The following KIAA0513 variants were observed in gnomAD, a reference collection of about 807,000 sequenced individuals.
KIAA0513 encodes KIAA0513, also known as uncharacterized protein KIAA0513.
In KIAA0513, 39 loss-of-function variants were observed where a neutral mutation model predicts 56.5. The ratio of observed to expected loss-of-function variants is 0.69; its 90% CI spans 0.53 to 0.90. The LOEUF (loss-of-function observed/expected upper bound fraction) is 0.90. Among genes scored for constraint, KIAA0513 ranks in the 40% least tolerant of loss-of-function variants. The probability of loss-of-function intolerance (pLI) is 0.00; values close to 1 mark genes in which losing one functional copy is unlikely to be tolerated. For synonymous variants in KIAA0513, 268 were observed against 215.6 expected, an observed-to-expected ratio of 1.24 and a Z score of -2.13; for missense variants, 591 against 535.2, an observed-to-expected ratio of 1.10 and a Z score of -1.03.
Position 85,067,117 on chromosome 16 carries a change from C to T in KIAA0513, c.46C>T (p.Pro16Ser), listed in dbSNP as rs375542570. ...CGTGGGCTCGCTAATCGACTTTGGGCCTGAGGCACCCACCTCTTCTCCCCT... is the reference window on the plus strand; with the variant it reads ...CGTGGGCTCGCTAATCGACTTTGGGTCTGAGGCACCCACCTCTTCTCCCCT... ...VPVGSLIDFG[P>S]EAPTSSPLEA... is the part of the protein sequence containing the mutation. The change falls in exon 2 of 13, where the codon CCT becomes TCT. Residue 16 changes from proline to serine, a missense_variant. Physicochemically the swap from Pro to Ser is moderately conservative, Grantham distance 74. Coordinates refer to ENST00000683363, the MANE Select transcript of KIAA0513 (RefSeq NM_001388359.1). 1.5e-5 allele frequency: 24 copies of T among 1,610,564 alleles called. No individual in the cohort carries two copies. The African/African-American group carries it at 2.4e-4, about 16-fold the overall frequency.
intron 3 of KIAA0513, 84 bp from the exon 4 acceptor site, chr16:85,072,841 C>T (rs1477247175): frequency 3.8e-6 from 5 of 1,328,966 alleles, no homozygotes; most frequent in African/African-American, 2.9e-5. Flanking sequence ...TTTGGAAACA[C>T]TGAGAGTGCA....
intron 1 of KIAA0513, among the ~76,000 whole-genome samples, chr16:85,040,001 A>C (rs1475400670): frequency 2.7e-5 from 4 of 146,646 alleles, no homozygotes; most frequent in Non-Finnish European, 6.0e-5. Flanking sequence ...CGCCTGGCTA[A>C]TTTTGTATTT....
At chr16:85,086,829 A>C (rs2073815031) in intron 11 of KIAA0513, 105 bp downstream of exon 11, 1 of 1,075,868 alleles carries the variant, frequency 9.3e-7, no homozygotes. Flanking sequence ...GCCTGCTCTG[A>C]GGCATGGGGT....
rs201067960 is a variant in KIAA0513, at chr16:85,077,515, A to G, written c.665A>G (p.Glu222Gly). 3 of 1,614,182 alleles carry G rather than the reference A, an allele frequency of 1.9e-6. No homozygotes were observed. The highest frequency in any genetic ancestry group is 2.2e-5 in the East Asian group (1 of 44,874). ...YLKSANSWLA[E>G]KKDIAERLLK... Reference sequence around the variant, plus strand: ...AAATCCGCAAACAGCTGGCTGGCCGAAAAGAAGGACATCGCCGAGCGGCTG... The same window carrying G: ...AAATCCGCAAACAGCTGGCTGGCCGGAAAGAAGGACATCGCCGAGCGGCTG... The change falls in exon 6 of 13, where the codon GAA becomes GGA. Residue 222 changes from glutamate (E) to glycine (G), a missense_variant. Physicochemically the swap from Glu to Gly is moderately conservative, Grantham distance 98. Coordinates refer to ENST00000683363, the MANE Select transcript of KIAA0513 (RefSeq NM_001388359.1).
At chr16:85,040,921 T>A (rs754856624) in intron 1 of KIAA0513, among the ~76,000 whole-genome samples, 1 of 152,226 alleles carries the variant, frequency 6.6e-6, no homozygotes, top group Non-Finnish European at 1.5e-5. Flanking sequence ...AGAAACCTCT[T>A]TCTTTTCGCT....
At chr16:85,068,215 G>A (rs2073518068) in intron 2 of KIAA0513, among the ~76,000 whole-genome samples, 1 of 151,512 alleles carries the variant, frequency 6.6e-6, no homozygotes, top group African/African-American at 2.4e-5. Flanking sequence ...GGAGTGCAGT[G>A]GTGCGATTTC....
intron 7 of KIAA0513, 54 bp from the exon 8 acceptor site, chr16:85,078,871 C>T (rs2073699186): frequency 6.3e-7 from 1 of 1,596,522 alleles, no homozygotes; most frequent in African/African-American, 1.3e-5. Flanking sequence ...CGGGGTTTGC[C>T]AACAGTGGGT....
intron 5 of KIAA0513, among the ~76,000 whole-genome samples, 184 bp from the exon 6 acceptor site, chr16:85,077,241 G>A (rs1047323284): frequency 1.8e-4 from 27 of 152,252 alleles, no homozygotes; most frequent in Non-Finnish European, 2.9e-4. Flanking sequence ...CTCACGGGGA[G>A]CAGGGCCCCC....
At chr16:85,040,739 G>A (rs761367961) in intron 1 of KIAA0513, among the ~76,000 whole-genome samples, 1 of 152,066 alleles carries the variant, frequency 6.6e-6, no homozygotes, top group African/African-American at 2.4e-5. Flanking sequence ...AATGGGAGCC[G>A]CCTGCAGCCA....
In KIAA0513 at chr16:85,086,943, G is replaced by A. The variant is rs146370127; in HGVS notation, c.1092-129G>A. The stretch of plus-strand genomic sequence containing the variant: ...AGAGTTGCTGGTGGCTAATTAGGCA[G>A]CAGTGCGTTTTAGTTTCTGCTGACA... On this transcript the variant is annotated intron_variant, in intron 11 of 12. Transcript: ENST00000683363. 5.2e-4 allele frequency: 474 copies of A among 915,794 alleles called. 1 individual carries two copies. The highest frequency in any genetic ancestry group is 1.6e-3 in the South Asian group (98 of 62,640). 56.7% of individuals were successfully genotyped at this position (915,794 alleles called of 1,614,324 possible). A position where few individuals can be genotyped will look rare whatever the true frequency, so the allele number is the denominator to read the frequency against.
At chr16:85,040,113 C>G (rs565811368) in intron 1 of KIAA0513, among the ~76,000 whole-genome samples, 1 of 152,290 alleles carries the variant, frequency 6.6e-6, no homozygotes, top group Non-Finnish European at 1.5e-5. Flanking sequence ...GGATTACAGG[C>G]ATGAGCCACC....
intron 8 of KIAA0513, chr16:85,079,302 C>G: frequency 2.5e-6 from 1 of 394,426 alleles, no homozygotes; most frequent in Non-Finnish European, 4.5e-6. Flanking sequence ...TCCTAGGAGT[C>G]GCCCAAGAGA....
In KIAA0513 at chr16:85,077,513, C is replaced by G; in HGVS notation, c.663C>G (p.Ala221=). 1 of 1,614,182 alleles carries G rather than the reference C, an allele frequency of 6.2e-7. No individual in the cohort carries two copies. Among genetic ancestry groups the G allele is most frequent in the Middle Eastern group, 1.6e-4 (1 of 6,062 alleles). The change falls in exon 6 of 13, where the codon GCC becomes GCG. Residue 221 remains alanine (A), a synonymous_variant. Coordinates refer to ENST00000683363, the MANE Select transcript of KIAA0513 (RefSeq NM_001388359.1). ...TGAAATCCGCAAACAGCTGGCTGGC[C>G]GAAAAGAAGGACATCGCCGAGCGGC... ...SYLKSANSWL[A]EKKDIAERLL...
At chr16:85,077,845 C>T (rs1400770861) in intron 6 of KIAA0513, among the ~76,000 whole-genome samples, 1 of 152,188 alleles carries the variant, frequency 6.6e-6, no homozygotes, top group East Asian at 1.9e-4. Flanking sequence ...GGGCCACACT[C>T]CCTGGGACTG....
intron 1 of KIAA0513, among the ~76,000 whole-genome samples, chr16:85,055,191 T>C (rs2073311309): frequency 6.6e-6 from 1 of 152,158 alleles, no homozygotes; most frequent in Non-Finnish European, 1.5e-5. Context: ...CTCAAAGTGC[T>C]GGGATTACAA....
chr16:85,035,806 G>A (rs972493255), intron 1 of KIAA0513, among the ~76,000 whole-genome samples: 4 of 151,556 alleles, frequency 2.6e-5, no homozygotes, highest in Non-Finnish European at 4.4e-5. Flanking sequence ...GTGAAACCCC[G>A]TCTCTACTAA....
chr16:85,066,383 T>C (rs544143558), intron 1 of KIAA0513, among the ~76,000 whole-genome samples: 8 of 152,200 alleles, frequency 5.3e-5, no homozygotes, highest in Admixed American at 3.3e-4. Flanking sequence ...GCAACCATCA[T>C]AGGGTTTGAG....
chr16:85,072,179 C>A (rs1425598325), intron 3 of KIAA0513, among the ~76,000 whole-genome samples: 2 of 151,944 alleles, frequency 1.3e-5, no homozygotes, highest in South Asian at 2.1e-4. Flanking sequence ...ATAGTGAGGT[C>A]CCCCCTCCCC....
intron 1 of KIAA0513, among the ~76,000 whole-genome samples, chr16:85,036,866 C>T (rs2073043226): frequency 6.6e-6 from 1 of 152,150 alleles, no homozygotes; most frequent in Admixed American, 6.5e-5. Context: ...AGCCATGCAG[C>T]GGCAGCGTGT....
Sources: allele counts gnomAD v4.1 joint callset (sites outside exome capture counted in the v4.1 genomes callset), GRCh38; gene constraint gnomAD v4.1.1; transcripts MANE v1.5; gene names NCBI Gene and HGNC (gene_info 2026-07-23, HGNC 2026-07-21).